NIN: variants seen among roughly 807,000 people sequenced by gnomAD.
The protein encoded by NIN is ninein.
In NIN, 137 loss-of-function variants were observed where a neutral mutation model predicts 257.6. The ratio of observed to expected loss-of-function variants is 0.53; its 90% CI spans 0.46 to 0.61. The LOEUF (loss-of-function observed/expected upper bound fraction) is 0.61. Among genes scored for constraint, NIN ranks in the 20% least tolerant of loss-of-function variants. NIN has a pLI of 0.00. For synonymous variants in NIN, 918 were observed against 919.8 expected (o/e 1.00, Z 0.04); for missense variants, 2,439 against 2,501.2 (o/e 0.98, Z 0.53).
At position 50,745,877 on chromosome 14, in the gene NIN, A is replaced by G. The variant is rs1046009079; in HGVS notation, c.5065-1512T>C. Among the ~76,000 whole-genome samples the G allele has an allele frequency of 4.1e-4, 62 of 152,174 alleles. 2 individuals carry two copies. The highest frequency in any genetic ancestry group is 1.3e-4 in the Admixed American group (2 of 15,268). On this transcript the variant is annotated intron_variant, in intron 22 of 30. Transcript: ENST00000530997. ...ATCACGATATCATACAGAGTGACAC[A>G]TGCCTTCTAGGTCCACGTTGTATAA...
At chr14:50,830,768 C>A in intron 1 of NIN, 1 of 151,386 alleles carries the variant, frequency 6.6e-6, no homozygotes, top group South Asian at 2.0e-4. Context: ...GGACCGGCCC[C>A]TCCTCCCGCC....
Position 50,822,063 on chromosome 14 carries a change from G to A in NIN, c.-7C>T. On this transcript the variant is annotated 5_prime_UTR_variant, in exon 3 of 31. Transcript: ENST00000530997. ...CCTGCTCCACCTCATCCATCCCATA[G>A]CCCACAGTGCTCACCTGTGTGTAAG... The A allele has an allele frequency of 6.2e-7, 1 of 1,610,930 alleles. No homozygotes were observed. The highest frequency in any genetic ancestry group is 1.3e-5 in the African/African-American group (1 of 75,020).
At chr14:50,774,714 T>C (rs1312705937) in intron 7 of NIN, among the ~76,000 whole-genome samples, 1 of 152,260 alleles carries the variant, frequency 6.6e-6, no homozygotes, top group Admixed American at 6.5e-5. Context: ...TCCACACTGC[T>C]TGACCTTGTG....
intron 4 of NIN, among the ~76,000 whole-genome samples, chr14:50,801,218 G>A (rs1039229147): frequency 6.6e-6 from 1 of 150,996 alleles, no homozygotes; most frequent in African/African-American, 2.4e-5. Flanking sequence ...AGCCTCCCGA[G>A]TAGCTGGGAT....
chr14:50,755,678 T>A (rs758478764), intron 18 of NIN, among the ~76,000 whole-genome samples: 729 of 28,912 alleles, frequency 0.025, 14 homozygotes, highest in Non-Finnish European at 0.034. Context: ...TTTTTTTTTT[T>A]AAAAGAGACA....
intron 2 of NIN, among the ~76,000 whole-genome samples, chr14:50,824,579 A>T (rs2142504955): frequency 6.6e-6 from 1 of 152,364 alleles, no homozygotes; most frequent in South Asian, 2.1e-4. Context: ...TTCATGTGCA[A>T]GAATTTTTTT....
intron 12 of NIN, among the ~76,000 whole-genome samples, chr14:50,767,365 G>A (rs541029777): frequency 2.6e-5 from 4 of 152,180 alleles, no homozygotes; most frequent in Non-Finnish European, 5.9e-5. Context: ...TTTGCAAACT[G>A]AAATTATAAT....
At chr14:50,814,030 TTAAA>T (rs1303692317) in intron 3 of NIN, among the ~76,000 whole-genome samples, 6 of 152,320 alleles carry the variant, frequency 3.9e-5, no homozygotes, top group African/African-American at 1.4e-4. Flanking sequence ...ATATTTTATT[TTAAA>T]TAAAGTATTC....
chr14:50,782,443 A>T (rs1393661972), intron 5 of NIN, among the ~76,000 whole-genome samples: 6 of 152,216 alleles, frequency 3.9e-5, no homozygotes, highest in African/African-American at 1.2e-4. Flanking sequence ...AAGTATAATT[A>T]AAAAACCATG....
intron 4 of NIN, among the ~76,000 whole-genome samples, chr14:50,800,577 C>T (rs1409127223): frequency 6.6e-6 from 1 of 152,124 alleles, no homozygotes; most frequent in African/African-American, 2.4e-5. Context: ...AGCATAAAAT[C>T]TGAGAGTAGC....
intron 27 of NIN, 143 bp from the exon 28 acceptor site, chr14:50,735,760 C>CACTG: frequency 7.2e-6 from 8 of 1,103,930 alleles, no homozygotes; most frequent in East Asian, 2.7e-5. Flanking sequence ...ACAAATAATA[C>CACTG]AATTCAGTGT....
chr14:50,826,718 G>T (rs564257710), intron 2 of NIN, among the ~76,000 whole-genome samples: 63 of 152,244 alleles, frequency 4.1e-4, no homozygotes, highest in Admixed American at 1.6e-3. Flanking sequence ...AAAGTCTGGC[G>T]AGTGAAAAGG....
At chr14:50,816,577 C>G (rs551912198) in intron 3 of NIN, among the ~76,000 whole-genome samples, 2 of 152,166 alleles carry the variant, frequency 1.3e-5, no homozygotes, top group East Asian at 1.9e-4. Context: ...ATCCAGGATC[C>G]CATCCTGGCA....
chr14:50,830,626 C>A (rs1265054397), intron 1 of NIN, 109 bp from the exon 2 acceptor site: 3 of 167,088 alleles, frequency 1.8e-5, no homozygotes. Flanking sequence ...CGAATGGGGA[C>A]CCGCGTGAGC....
At chr14:50,807,057 T>C (rs1191850161) in intron 3 of NIN, among the ~76,000 whole-genome samples, 2 of 152,230 alleles carry the variant, frequency 1.3e-5, no homozygotes, top group Non-Finnish European at 2.9e-5. Context: ...AAAAGCTATA[T>C]AGCAAAATCC....
rs142370474 is a variant in NIN at position 50,762,303 on chromosome 14, A to G, written c.1775-392T>C. ...CAACCAGACTCCTACCCATCCAACA[A>G]ATACTGAATGACGATGTGGCAGGAA... On this transcript the variant is annotated intron_variant, in intron 15 of 30. Transcript: ENST00000530997. Among the ~76,000 whole-genome samples the G allele has an allele frequency of 4.3e-3, 652 of 152,278 alleles. 7 individuals carry two copies. The highest frequency in any genetic ancestry group is 0.015 in the African/African-American group (612 of 41,554).
rs1595737962 is a variant in NIN, at chr14:50,741,698, C to G, written c.5332G>C (p.Val1778Leu). Reference sequence around the variant, plus strand: ...TTCATCCGGGACATTTGCAGGTTTACATTCTGCACGGTGTCTTCTAAATTC... The same window carrying G: ...TTCATCCGGGACATTTGCAGGTTTAGATTCTGCACGGTGTCTTCTAAATTC... ...VQNLEDTVQNVNLQMSRMKSD... is the reference protein window; with the variant it reads ...VQNLEDTVQNLNLQMSRMKSD... Residue 1778 changes from valine to leucine, a missense_variant, in exon 25 of 31, where the codon GTA becomes CTA. Val to Leu is a conservative substitution (Grantham distance 32). Around this residue, in one of 3 missense-constraint regions of NIN, gnomAD observed 2,043 missense variants for 2,050.2 expected, o/e 1.00. Coordinates refer to ENST00000530997, the MANE Select transcript of NIN (RefSeq NM_020921.4). The G allele has an allele frequency of 1.9e-6, 3 of 1,613,978 alleles. No individual in the cohort carries two copies. The East Asian group carries it at 6.7e-5, about 36-fold the overall frequency.
At position 50,752,586 on chromosome 14, in the gene NIN, T is replaced by C. The variant is rs1426527722; in HGVS notation, c.4882A>G (p.Ser1628Gly). 6.2e-7 allele frequency: 1 copy of C among 1,614,124 alleles called. No homozygotes were observed. The highest frequency in any genetic ancestry group is 8.5e-7 in the Non-Finnish European group (1 of 1,179,988). Residue 1628 changes from serine to glycine, a missense_variant, in exon 21 of 31, where the codon AGT becomes GGT. Physicochemically the swap from Ser to Gly is moderately conservative, Grantham distance 56. Around this residue, in one of 3 missense-constraint regions of NIN, gnomAD observed 2,043 missense variants for 2,050.2 expected, o/e 1.00. Transcript: ENST00000530997. ...TCTTGTTCCCGTTCCTCCAATGCACTGTTTCCTGGCTCTTTTTCCTTCTGG... is the reference window on the plus strand; with the variant it reads ...TCTTGTTCCCGTTCCTCCAATGCACCGTTTCCTGGCTCTTTTTCCTTCTGG... ...LCQKEKEPGN[S>G]ALEEREQEKF...
intron 3 of NIN, among the ~76,000 whole-genome samples, chr14:50,811,415 G>T (rs59105050): frequency 0.02 from 3,074 of 151,780 alleles, 118 homozygotes; most frequent in African/African-American, 0.07. Flanking sequence ...GGCCTTGAGG[G>T]TATTACTCTT....
Sources: allele counts gnomAD v4.1 joint callset (sites outside exome capture counted in the v4.1 genomes callset), GRCh38; gene constraint gnomAD v4.1.1; regional missense constraint gnomAD v4.1.1; transcripts MANE v1.5; gene names NCBI Gene and HGNC (gene_info 2026-07-23, HGNC 2026-07-21).